Variants in SDC2 observed in about 807,000 individuals in gnomAD.
SDC2 encodes the protein syndecan 2, also known as syndecan-2.
A neutral mutation model predicts 22.2 loss-of-function variants in SDC2; 13 were observed. The observed-to-expected ratio is 0.59, with a 90% CI of 0.38 to 0.93. SDC2 has a LOEUF of 0.93. Ranked by LOEUF, SDC2 falls within the 40% of genes least tolerant of loss-of-function variation. SDC2 has a pLI of 0.00. For missense variants in SDC2, 235 were observed against 246.8 expected (o/e 0.95, Z 0.32); for synonymous variants, 94 against 92.8 (o/e 1.01, Z -0.07).
At chr8:96,518,837 TAATCCGTTAA>T (rs1279659913) in intron 1 of SDC2, among the ~76,000 whole-genome samples, 1 of 152,254 alleles carries the variant, frequency 6.6e-6, no homozygotes, top group Non-Finnish European at 1.5e-5. Flanking sequence ...CTGTTAGTTT[TAATCCGTTAA>T]ATTTTTTTGA....
intron 1 of SDC2, among the ~76,000 whole-genome samples, chr8:96,531,385 T>C (rs767842081): frequency 2.6e-5 from 4 of 152,222 alleles, no homozygotes; most frequent in Non-Finnish European, 5.9e-5. Context: ...GTATGATTAA[T>C]ATTAGTAAAT....
At chr8:96,518,864 G>C (rs777338086) in intron 1 of SDC2, among the ~76,000 whole-genome samples, 2 of 152,104 alleles carry the variant, frequency 1.3e-5, no homozygotes, top group African/African-American at 2.4e-5. Flanking sequence ...TTGAACTGAC[G>C]TCTGGCACAG....
intron 2 of SDC2, among the ~76,000 whole-genome samples, chr8:96,599,608 T>C (rs1224807507): frequency 6.6e-6 from 1 of 152,204 alleles, no homozygotes; most frequent in African/African-American, 2.4e-5. Flanking sequence ...GTATCTGTGA[T>C]ATATATGTAC....
intron 1 of SDC2, among the ~76,000 whole-genome samples, chr8:96,513,512 T>C: frequency 6.6e-6 from 1 of 152,248 alleles, no homozygotes; most frequent in Non-Finnish European, 1.5e-5. Context: ...TATTTACAGA[T>C]GTGTTTAGTA....
In SDC2 at chr8:96,581,618, C is replaced by T. The variant is rs527623955; in HGVS notation, c.61-11862C>T. Among the ~76,000 whole-genome samples, 19 of 147,764 alleles carry T rather than the reference C, an allele frequency of 1.3e-4. No individual in the cohort carries two copies. The South Asian group carries it at 2.2e-3, about 17-fold the overall frequency. ...CTGCACTCCAGCCTGGGCGACAGAG[C>T]GAGACTCTGTCTCTTAAAAAAAAAA... On this transcript the variant is annotated intron_variant, in intron 1 of 4. Coordinates refer to ENST00000302190, the MANE Select transcript of SDC2 (RefSeq NM_002998.4).
At chr8:96,604,935 A>C (rs1815052862) in intron 3 of SDC2, among the ~76,000 whole-genome samples, 1 of 152,176 alleles carries the variant, frequency 6.6e-6, no homozygotes, top group African/African-American at 2.4e-5. Context: ...ATACGATAAA[A>C]CATTTTGACT....
chr8:96,552,393 G>A (rs2130540499), intron 1 of SDC2, among the ~76,000 whole-genome samples: 1 of 152,322 alleles, frequency 6.6e-6, no homozygotes, highest in East Asian at 1.9e-4. Flanking sequence ...TGAGAGAGAA[G>A]TAAATCGTGC....
intron 1 of SDC2, among the ~76,000 whole-genome samples, chr8:96,519,398 A>G (rs1429997572): frequency 6.6e-6 from 1 of 152,208 alleles, no homozygotes; most frequent in Non-Finnish European, 1.5e-5. Flanking sequence ...AAATTTTTCA[A>G]AATGTTTCAA....
chr8:96,494,858 C>T (rs1404464581), intron 1 of SDC2, among the ~76,000 whole-genome samples: 1 of 152,172 alleles, frequency 6.6e-6, no homozygotes, highest in Non-Finnish European at 1.5e-5. Context: ...CCGCGAGTGT[C>T]CAGAGAGAAA....
intron 1 of SDC2, among the ~76,000 whole-genome samples, chr8:96,507,794 C>T (rs1813264694): frequency 6.6e-6 from 1 of 152,140 alleles, no homozygotes; most frequent in Admixed American, 6.5e-5. Context: ...CACTTACAGC[C>T]CAGGTAGAAG....
At chr8:96,576,364 G>GTT (rs1291289471) in intron 1 of SDC2, among the ~76,000 whole-genome samples, 7 of 19,172 alleles carry the variant, frequency 3.7e-4, no homozygotes, top group African/African-American at 9.5e-4. Context: ...ATAATTGGTA[G>GTT]TTTGTTTTTG....
chr8:96,580,113 G>T (rs1814565660), intron 1 of SDC2, among the ~76,000 whole-genome samples: 1 of 152,226 alleles, frequency 6.6e-6, no homozygotes, highest in East Asian at 1.9e-4. Context: ...CATGGGGGCT[G>T]CGCTGCAATG....
chr8:96,503,326 A>T (rs1001656564), intron 1 of SDC2, among the ~76,000 whole-genome samples: 2 of 152,388 alleles, frequency 1.3e-5, no homozygotes, highest in South Asian at 4.1e-4. Context: ...ATTGTTAAAT[A>T]AGATTCTAAT....
Position 96,567,626 on chromosome 8 carries a change from C to T in SDC2, c.61-25854C>T, listed in dbSNP as rs182755804. The stretch of plus-strand genomic sequence containing the variant: ...TATTTGGTTTTTGATTTCTGAGTTA[C>T]TTCATTAGAATAGTGGCCCCCAGTT... On this transcript the variant is annotated intron_variant, in intron 1 of 4. Coordinates refer to ENST00000302190, the MANE Select transcript of SDC2 (RefSeq NM_002998.4). 1.8e-3 allele frequency among the ~76,000 whole-genome samples: 270 copies of T among 152,304 alleles called. 2 individuals carry two copies. Among genetic ancestry groups the T allele is most frequent in the East Asian group, 5.8e-4 (3 of 5,184 alleles).
intron 1 of SDC2, among the ~76,000 whole-genome samples, chr8:96,550,823 A>C (rs1450484782): frequency 6.6e-6 from 1 of 152,218 alleles, no homozygotes; most frequent in African/African-American, 2.4e-5. Flanking sequence ...AGGAGCCTCT[A>C]GAAGCCTCCT....
intron 4 of SDC2, 39 bp from the exon 5 acceptor site, chr8:96,609,346 G>T: frequency 6.5e-7 from 1 of 1,547,018 alleles, no homozygotes; most frequent in Non-Finnish European, 8.8e-7. Context: ...TGCAACCCTT[G>T]AATCTCTTCT....
At chr8:96,582,512 T>G (rs1490474054) in intron 1 of SDC2, among the ~76,000 whole-genome samples, 1 of 152,248 alleles carries the variant, frequency 6.6e-6, no homozygotes, top group African/African-American at 2.4e-5. Context: ...TAAGAGAGTC[T>G]TTGAAAGTGC....
At chr8:96,532,654 C>T (rs572960042) in intron 1 of SDC2, among the ~76,000 whole-genome samples, 2 of 151,922 alleles carry the variant, frequency 1.3e-5, no homozygotes, top group East Asian at 1.9e-4. Context: ...TCACTGCCAC[C>T]CCCATCCCCC....
intron 1 of SDC2, among the ~76,000 whole-genome samples, chr8:96,515,966 G>T (rs950897900): frequency 6.6e-6 from 1 of 152,334 alleles, no homozygotes; most frequent in Middle Eastern, 3.4e-3. Context: ...AAAGAACCCA[G>T]TGTTGGGCTG....
Sources: gnomAD v4.1 joint callset for allele counts (sites outside exome capture counted in the v4.1 genomes callset) on GRCh38, gnomAD v4.1.1 for gene constraint, MANE v1.5 for transcripts, NCBI Gene and HGNC (gene_info 2026-07-23, HGNC 2026-07-21) for gene names.